Variants in HSP90AA1 observed in about 807,000 individuals in gnomAD.
HSP90AA1 encodes the protein heat shock protein HSP 90-alpha.
HSP90AA1 carries 18 observed loss-of-function variants against 73.3 expected under a neutral mutation model. The ratio of observed to expected loss-of-function variants is 0.25; its 90% confidence interval spans 0.17 to 0.36. The LOEUF is 0.36. Ranked by LOEUF, HSP90AA1 falls within the 10% of genes least tolerant of loss-of-function variation. The pLI is 1.00. For synonymous variants in HSP90AA1, 477 were observed against 296.9 expected (o/e 1.61, Z -6.24); for missense variants, 704 against 874.2 (o/e 0.81, Z 2.45).
rs554914907 is a variant in HSP90AA1 at position 102,137,011 on chromosome 14, C to T, written c.155+2239G>A. On this transcript the variant is annotated intron_variant, in intron 1 of 11. Transcript: ENST00000334701. ...GGTGGATCACCTGAGGTCAGGAGTT[C>T]GAGACCAGCCTGGCCAACGTGGTGA... Among the ~76,000 whole-genome samples, 124 of 152,048 alleles carry T rather than the reference C, an allele frequency of 8.2e-4. 1 individual carries two copies. The South Asian group carries it at 0.016, about 19-fold the overall frequency.
chr14:102,117,069 G>A (rs149943445), intron 1 of HSP90AA1, among the ~76,000 whole-genome samples: 72 of 152,302 alleles, frequency 4.7e-4, no homozygotes, highest in African/African-American at 1.6e-3. Context: ...GTGTGCACCC[G>A]CTCAGTGCAG....
At position 102,085,686 on chromosome 14, in the gene HSP90AA1, C is replaced by T. The variant is rs1595658825; in HGVS notation, c.529+72G>A. On this transcript the variant is annotated intron_variant, in intron 3 of 10. Transcript: ENST00000216281. ...CAAATTCTGTAAGCTTCACCGCATCCCCAGGGGTCCAAGGGTTGCAGCACC... is the reference window on the plus strand; with the variant it reads ...CAAATTCTGTAAGCTTCACCGCATCTCCAGGGGTCCAAGGGTTGCAGCACC... The T allele has an allele frequency of 1.9e-6, 3 of 1,604,736 alleles. No homozygotes were observed. The Admixed American group carries it at 5.0e-5, about 27-fold the overall frequency.
intron 1 of HSP90AA1, among the ~76,000 whole-genome samples, chr14:102,130,924 GC>G (rs763301358): frequency 1.3e-5 from 2 of 152,018 alleles, no homozygotes; most frequent in Non-Finnish European, 2.9e-5. Flanking sequence ...TCACCATATT[GC>G]CCAGGCTGGT....
intron 2 of HSP90AA1, among the ~76,000 whole-genome samples, chr14:102,099,236 C>A (rs771952935): frequency 2.6e-5 from 4 of 152,228 alleles, no homozygotes; most frequent in Admixed American, 6.5e-5. Context: ...AAATTGAAAA[C>A]CTTTTCAACA....
intron 2 of HSP90AA1, among the ~76,000 whole-genome samples, chr14:102,097,241 C>A (rs1428922968): frequency 7.2e-5 from 11 of 151,852 alleles, no homozygotes; most frequent in African/African-American, 2.4e-4. Flanking sequence ...CCCCCTTGGC[C>A]TCCCAAAGTG....
At chr14:102,128,066 C>T (rs2049859862) in intron 1 of HSP90AA1, among the ~76,000 whole-genome samples, 1 of 152,174 alleles carries the variant, frequency 6.6e-6, no homozygotes, top group Non-Finnish European at 1.5e-5. Context: ...GCTCAGCAGG[C>T]TCATACTACA....
In HSP90AA1 at chr14:102,083,605, G is replaced by C; in HGVS notation, c.1427C>G (p.Ser476Cys). The change falls in exon 8 of 11, where the codon TCT becomes TGT. Residue 476 changes from serine (S) to cysteine (C), a missense_variant. Ser to Cys is a moderately radical substitution (Grantham distance 112). Coordinates refer to ENST00000216281, the MANE Select transcript of HSP90AA1 (RefSeq NM_005348.4). ...YTSASGDEMVSLKDYCTRMKE... is the reference protein window; with the variant it reads ...YTSASGDEMVCLKDYCTRMKE... ...CATTCTGGTGCAGTAGTCCTTGAGA[G>C]AAACCATCTCATCACCAGAGGCAGA... 1.2e-6 allele frequency: 2 copies of C among 1,613,090 alleles called. No homozygotes were observed.
In HSP90AA1 at chr14:102,081,273, T is replaced by C. The variant is rs1257081139; in HGVS notation, c.*439A>G. The stretch of plus-strand genomic sequence containing the variant: ...GTTTAACCTATTTCTAGAGGACTAG[T>C]ACATGCAGAATTGTCAACTACAGGG... On this transcript the variant is annotated 3_prime_UTR_variant, in exon 11 of 11. Transcript: ENST00000216281. The C allele has an allele frequency of 1.1e-5, 3 of 281,976 alleles. No individual in the cohort carries two copies. The highest frequency in any genetic ancestry group is 6.5e-5 in the African/African-American group (3 of 46,148). 17.5% of individuals were successfully genotyped at this position (281,976 alleles called of 1,614,324 possible).
chr14:102,136,953 C>A (rs1000948439), intron 1 of HSP90AA1, among the ~76,000 whole-genome samples: 19 of 151,556 alleles, frequency 1.3e-4, no homozygotes, highest in Non-Finnish European at 2.9e-5. Context: ...GTGGCTCACG[C>A]CTGTAATCCT....
intron 1 of HSP90AA1, among the ~76,000 whole-genome samples, chr14:102,109,980 C>G (rs898585325): frequency 6.6e-6 from 1 of 152,132 alleles, no homozygotes; most frequent in African/African-American, 2.4e-5. Flanking sequence ...ATCATTCAGG[C>G]TGGAGTGCAG....
chr14:102,133,017 C>T (rs1480620401), intron 1 of HSP90AA1, among the ~76,000 whole-genome samples: 20 of 150,418 alleles, frequency 1.3e-4, no homozygotes, highest in African/African-American at 4.2e-4. Flanking sequence ...CAGTGGCTCA[C>T]GCCTGTAATC....
At chr14:102,088,907 C>CT (rs887578558), upstream of HSP90AA1, among the ~76,000 whole-genome samples, 795 of 55,146 alleles carry the variant, frequency 0.014, 9 homozygotes, top group East Asian at 0.12. Context: ...TTTTTCTTTT[C>CT]TTTTTTTTTT....
chr14:102,130,194 C>A (rs746016696), intron 1 of HSP90AA1, among the ~76,000 whole-genome samples: 10 of 152,076 alleles, frequency 6.6e-5, no homozygotes, highest in Non-Finnish European at 1.3e-4. Context: ...TGGTCTCGAA[C>A]TCCTGACCTC....
chr14:102,101,419 CCA>C lies in HSP90AA1; in HGVS notation c.366+454_366+455del, dbSNP rs530991536. Reference sequence around the variant, plus strand: ...TCCAACACTCCCCCATCATCTCTTGCCACCACCACCCTCCTAGGGTTCAGTCA... The same window carrying C: ...TCCAACACTCCCCCATCATCTCTTGCCCACCACCCTCCTAGGGTTCAGTCA... On this transcript the variant is annotated intron_variant, in intron 2 of 11. Transcript: ENST00000334701. 5.3e-4 allele frequency among the ~76,000 whole-genome samples: 81 copies of C among 152,298 alleles called. No homozygotes were observed. The South Asian group carries it at 0.017, about 31-fold the overall frequency.
At chr14:102,100,105 T>C (rs1306003780) in intron 2 of HSP90AA1, among the ~76,000 whole-genome samples, 1 of 152,000 alleles carries the variant, frequency 6.6e-6, no homozygotes, top group Non-Finnish European at 1.5e-5. Context: ...GGAGGATAGC[T>C]TGACCCAGGG....
chr14:102,094,234 G>T (rs1242759672), intron 2 of HSP90AA1, among the ~76,000 whole-genome samples: 2 of 152,196 alleles, frequency 1.3e-5, no homozygotes, highest in Admixed American at 1.3e-4. Context: ...TCCCACTGTT[G>T]GCAGCACTGA....
At chr14:102,093,217 T>A (rs1232501568) in intron 2 of HSP90AA1, among the ~76,000 whole-genome samples, 8 of 142,340 alleles carry the variant, frequency 5.6e-5, no homozygotes, top group African/African-American at 2.0e-4. Flanking sequence ...TATATATATT[T>A]AAAAAAAAAA....
rs527651817 is a variant in HSP90AA1 at position 102,124,074 on chromosome 14, C to T, written c.155+15176G>A. On this transcript the variant is annotated intron_variant, in intron 1 of 11. Transcript: ENST00000334701. ...CTGGGATTACAGGCGGAAACTACCA[C>T]GTCCAGCCTATTTATCTTATTTTGT... Among the ~76,000 whole-genome samples the T allele has an allele frequency of 8.7e-4, 133 of 152,132 alleles. 1 individual carries two copies. Among genetic ancestry groups the T allele is most frequent in the South Asian group, 3.9e-3 (19 of 4,826 alleles).
In HSP90AA1 at chr14:102,106,629, C is replaced by T. The variant is rs982802165; in HGVS notation, c.156-4544G>A. 1.1e-4 allele frequency among the ~76,000 whole-genome samples: 16 copies of T among 150,742 alleles called. 1 individual carries two copies. The highest frequency in any genetic ancestry group is 3.4e-4 in the African/African-American group (14 of 40,822). On this transcript the variant is annotated intron_variant, in intron 1 of 11. Coordinates refer to the HSP90AA1 transcript ENST00000334701. ...GCACAACTCAGCTCACTGCAACCTC[C>T]GCCTCCCAGGTTCAAGCGATTCTCC... is the stretch of plus-strand genomic sequence containing the variant.
Sources: allele counts gnomAD v4.1 joint callset (sites outside exome capture counted in the v4.1 genomes callset), GRCh38; gene constraint gnomAD v4.1.1; transcripts MANE v1.5; gene names NCBI Gene and HGNC (gene_info 2026-07-23, HGNC 2026-07-21).